HACD3: variants seen among roughly 807,000 people sequenced by gnomAD.
HACD3 encodes 3-hydroxyacyl-CoA dehydratase 3.
HACD3 carries 30 observed loss-of-function variants against 55.2 expected under a neutral mutation model. The observed-to-expected ratio is 0.54, with a 90% CI of 0.41 to 0.74. The LOEUF (loss-of-function observed/expected upper bound fraction) is 0.74, where lower values mean the gene tolerates loss of function less well. Ranked by LOEUF, HACD3 falls within the 30% of genes least tolerant of loss-of-function variation. HACD3 has a pLI of 0.00. For synonymous variants in HACD3, 141 were observed against 151.7 expected (o/e 0.93, Z 0.52); for missense variants, 363 against 440.1 (o/e 0.82, Z 1.57).
chr15:65,557,319 CA>C (rs1338244247), intron 4 of HACD3, among the ~76,000 whole-genome samples: 1 of 152,018 alleles, frequency 6.6e-6, no homozygotes, highest in Non-Finnish European at 1.5e-5. Context: ...ACTAAAAATA[CA>C]AAAAATTAGC....
intron 5 of HACD3, among the ~76,000 whole-genome samples, chr15:65,560,663 G>A (rs773324901): frequency 1.3e-4 from 20 of 152,244 alleles, no homozygotes; most frequent in Middle Eastern, 3.4e-3. Context: ...AATTAGCAAG[G>A]TGTGGTGGCA....
chr15:65,571,241 A>G (rs898849895), intron 8 of HACD3, among the ~76,000 whole-genome samples: 13 of 152,152 alleles, frequency 8.5e-5, no homozygotes, highest in Non-Finnish European at 1.5e-5. Flanking sequence ...TAATATCCTT[A>G]CCCACCGGGA....
chr15:65,553,616 C>A (rs62013110), intron 2 of HACD3, among the ~76,000 whole-genome samples: 1 of 152,114 alleles, frequency 6.6e-6, no homozygotes, highest in Non-Finnish European at 1.5e-5. Flanking sequence ...GAGTAGTCAC[C>A]ACTCAGCTCA....
At chr15:65,543,070 C>G (rs2072037705) in intron 1 of HACD3, among the ~76,000 whole-genome samples, 1 of 142,466 alleles carries the variant, frequency 7.0e-6, no homozygotes, top group Non-Finnish European at 1.5e-5. Flanking sequence ...GACTCTGTCT[C>G]TCTAAAAAAA....
In HACD3 at chr15:65,564,243, G is replaced by A; in HGVS notation, c.561G>A (p.Val187=). The A allele has an allele frequency of 6.2e-7, 1 of 1,613,694 alleles. No individual in the cohort carries two copies. The highest frequency in any genetic ancestry group is 8.5e-7 in the Non-Finnish European group (1 of 1,179,744). The change falls in exon 7 of 11, where the codon GTG becomes GTA. Residue 187 remains valine (V), a synonymous_variant. Coordinates refer to ENST00000261875, the MANE Select transcript of HACD3 (RefSeq NM_016395.4). The part of the protein sequence containing the change: ...KESFYDTFHT[V]ADMMYFCQML... Reference sequence around the variant, plus strand: ...CCTTTTATGACACATTCCATACTGTGGCTGACATGATGTATTTCTGCCAGA... The same window carrying A: ...CCTTTTATGACACATTCCATACTGTAGCTGACATGATGTATTTCTGCCAGA...
chr15:65,530,585 G>C lies in HACD3; in HGVS notation c.-47G>C. The C allele has an allele frequency of 6.6e-7, 1 of 1,508,490 alleles. No individual in the cohort carries two copies. Among genetic ancestry groups the C allele is most frequent in the Non-Finnish European group, 9.0e-7 (1 of 1,111,744 alleles). 93.4% of individuals were successfully genotyped at this position (1,508,490 alleles called of 1,614,324 possible). A position where few individuals can be genotyped will look rare whatever the true frequency, so the allele number is the denominator to read the frequency against. ...CGCCAGCAGAGCACTACCTGAGGCA[G>C]CGAGGCGCAGCGAGCCTAGCCTCCC... is the stretch of plus-strand genomic sequence containing the variant. On this transcript the variant is annotated 5_prime_UTR_variant, in exon 1 of 11. Transcript: ENST00000261875.
At chr15:65,562,645 G>T (rs1269003035) in intron 5 of HACD3, 129 bp from the exon 6 acceptor site, 2 of 1,266,922 alleles carry the variant, frequency 1.6e-6, no homozygotes, top group Non-Finnish European at 2.1e-6. Context: ...CCTGGACCAG[G>T]TATTTGTGTG....
intron 3 of HACD3, 44 bp downstream of exon 3, chr15:65,555,004 G>T: frequency 2.1e-6 from 3 of 1,432,646 alleles, no homozygotes; most frequent in South Asian, 2.3e-5. Flanking sequence ...TTTAGGAAAT[G>T]AATACCAGTA....
rs186765496 is a variant in HACD3 at position 65,572,335 on chromosome 15, T to A, written c.981T>A (p.Phe327Leu). Reference protein sequence around the residue: ...PVKIKVRFSFFLQIYLIMIFL... With the variant: ...PVKIKVRFSFLLQIYLIMIFL... ...AAATCAAAGTTAGATTTTCCTTTTTTCTTCAGATTTATCTTATAATGATAT... is the reference window on the plus strand; with the variant it reads ...AAATCAAAGTTAGATTTTCCTTTTTACTTCAGATTTATCTTATAATGATAT... The change falls in exon 10 of 11, where the codon TTT (phenylalanine) becomes TTA (leucine). Residue 327 changes from phenylalanine (F) to leucine (L), a missense_variant. Phe to Leu is a conservative substitution (Grantham distance 22, BLOSUM62 0). Coordinates refer to ENST00000261875, the MANE Select transcript of HACD3 (RefSeq NM_016395.4). 12 of 1,611,842 alleles carry A rather than the reference T, an allele frequency of 7.4e-6. No homozygotes were observed. In the East Asian group the frequency reaches 2.5e-4, roughly 33 times the overall value.
In HACD3 at chr15:65,530,677, C is replaced by G; in HGVS notation, c.46C>G (p.His16Asp). ...LTPHVYWAQR[H>D]RELYLRVELS... The stretch of plus-strand genomic sequence containing the variant: ...GCCGCATGTCTACTGGGCTCAGCGA[C>G]ACCGCGAGCTATATCTGCGCGTGGA... The change falls in exon 1 of 11, where the codon CAC becomes GAC. Residue 16 changes from histidine (H) to aspartate (D), a missense_variant. Coordinates refer to ENST00000261875, the MANE Select transcript of HACD3 (RefSeq NM_016395.4). 1 of 1,581,252 alleles carries G rather than the reference C, an allele frequency of 6.3e-7. No homozygotes were observed. Among genetic ancestry groups the G allele is most frequent in the Non-Finnish European group, 8.6e-7 (1 of 1,164,896 alleles).
chr15:65,544,237 A>G (rs61415188), intron 1 of HACD3, among the ~76,000 whole-genome samples: 68 of 152,276 alleles, frequency 4.5e-4, no homozygotes, highest in African/African-American at 1.6e-3. Context: ...AAAAAGAAAT[A>G]TAGACCAGAG....
At chr15:65,530,788 C>T (rs2071889246) in intron 1 of HACD3, 70 bp downstream of exon 1, 1 of 1,395,296 alleles carries the variant, frequency 7.2e-7, no homozygotes, top group East Asian at 2.9e-5. Flanking sequence ...GACCCCTGCC[C>T]CCTTTGTCCG....
intron 10 of HACD3, chr15:65,574,154 G>C (rs575207813): frequency 2.0e-5 from 3 of 152,218 alleles, no homozygotes; most frequent in Non-Finnish European, 4.4e-5. Flanking sequence ...CATAGTTCCT[G>C]AAGGTCAGGA....
At chr15:65,557,420 A>C (rs1273908155) in intron 4 of HACD3, among the ~76,000 whole-genome samples, 1 of 151,702 alleles carries the variant, frequency 6.6e-6, no homozygotes, top group Non-Finnish European at 1.5e-5. Context: ...GCTTGCCGTG[A>C]GCCGAGATCA....
intron 1 of HACD3, among the ~76,000 whole-genome samples, chr15:65,536,908 G>T (rs1265382127): frequency 6.6e-6 from 1 of 152,304 alleles, no homozygotes; most frequent in East Asian, 1.9e-4. Flanking sequence ...CTTGCACCAA[G>T]CAGCCAAGTT....
intron 1 of HACD3, among the ~76,000 whole-genome samples, chr15:65,541,479 CAT>C (rs776103643): frequency 7.4e-4 from 112 of 152,202 alleles, no homozygotes; most frequent in Non-Finnish European, 1.1e-3. Flanking sequence ...CGTAGGGAAA[CAT>C]GTGGTATCTC....
chr15:65,564,424 T>G, intron 7 of HACD3, 82 bp downstream of exon 7: 1 of 1,499,022 alleles, frequency 6.7e-7, no homozygotes, highest in South Asian at 1.3e-5. Flanking sequence ...TCCATTTTCA[T>G]GCTGCTCATA....
chr15:65,539,051 G>A (rs1056365281), intron 1 of HACD3, among the ~76,000 whole-genome samples: 12 of 152,092 alleles, frequency 7.9e-5, no homozygotes, highest in East Asian at 3.9e-4. Flanking sequence ...TCACTTTATT[G>A]TGATATTAGC....
At chr15:65,570,663 C>T (rs183487934) in intron 8 of HACD3, among the ~76,000 whole-genome samples, 44 of 152,040 alleles carry the variant, frequency 2.9e-4, no homozygotes, top group Non-Finnish European at 5.9e-4. Flanking sequence ...CCAATTTTCC[C>T]GTTCTCGGTT....
Sources: allele counts gnomAD v4.1 joint callset (sites outside exome capture counted in the v4.1 genomes callset), GRCh38; gene constraint gnomAD v4.1.1; transcripts MANE v1.5; gene names NCBI Gene and HGNC (gene_info 2026-07-23, HGNC 2026-07-21).